Variants in ZNF737 observed in about 807,000 individuals in gnomAD.
ZNF737 encodes the protein zinc finger protein 102 (Y3).
A neutral mutation model predicts 11.7 loss-of-function variants in ZNF737; 13 were observed. The observed-to-expected ratio is 1.11, with a 90% CI of 0.73 to 1.77. ZNF737 has a LOEUF of 1.77. Ranked by LOEUF, ZNF737 falls within the 40% of genes most tolerant of loss-of-function variation. The pLI is 0.00. For missense variants in ZNF737, 636 were observed against 638.0 expected (o/e 1.00, Z 0.03); for synonymous variants, 217 against 216.2 (o/e 1.00, Z -0.03).
intron 3 of ZNF737, among the ~76,000 whole-genome samples, chr19:20,549,261 AC>A (rs1555757788): frequency 1.3e-5 from 2 of 152,162 alleles, no homozygotes; most frequent in South Asian, 2.1e-4. Flanking sequence ...CTTAAAGTGT[AC>A]AAAAAGAACT....
intron 1 of ZNF737, among the ~76,000 whole-genome samples, chr19:20,554,641 T>C (rs1170369665): frequency 4.6e-5 from 7 of 152,048 alleles, no homozygotes; most frequent in Admixed American, 6.5e-5. Context: ...AGCATCACTG[T>C]TGAAATATTC....
chr19:20,553,378 C>T (rs1968767515), intron 2 of ZNF737, among the ~76,000 whole-genome samples: 1 of 152,118 alleles, frequency 6.6e-6, no homozygotes, highest in African/African-American at 2.4e-5. Flanking sequence ...CCTGCCTCAC[C>T]TTCCCAATTA....
chr19:20,555,222 G>A (rs1968844766), intron 1 of ZNF737, among the ~76,000 whole-genome samples: 2 of 138,612 alleles, frequency 1.4e-5, no homozygotes. Context: ...TCACTCTGTT[G>A]CCCAGGCTGG....
chr19:20,565,492 G>C (rs1294417754), intron 1 of ZNF737, 146 bp downstream of exon 1: 2 of 1,405,734 alleles, frequency 1.4e-6, no homozygotes, highest in Non-Finnish European at 2.0e-6. Flanking sequence ...ATGGCTGAAC[G>C]GGACTGAGGC....
rs1232247768 is a variant in ZNF737 at position 20,546,116 on chromosome 19, A to T, written c.227-140T>A. 2.6e-6 allele frequency: 3 copies of T among 1,172,738 alleles called. No homozygotes were observed. The African/African-American group carries it at 4.7e-5, about 18-fold the overall frequency. The allele number at this position is 1,172,738 out of a possible 1,614,324, so 72.6% of individuals were successfully genotyped here. On this transcript the variant is annotated intron_variant, in intron 3 of 3. Transcript: ENST00000427401. Reference sequence around the variant, plus strand: ...ACCACAAACTGTAATTTCTTCCTGGATACATAAATGTAACAAAAGTGGACT... The same window carrying T: ...ACCACAAACTGTAATTTCTTCCTGGTTACATAAATGTAACAAAAGTGGACT...
intron 1 of ZNF737, among the ~76,000 whole-genome samples, chr19:20,555,100 T>G (rs1968837872): frequency 1.3e-5 from 2 of 152,030 alleles, no homozygotes; most frequent in South Asian, 4.2e-4. Flanking sequence ...TGACCTCAGG[T>G]GATCTGCCCA....
chr19:20,559,038 G>A (rs1313266102), intron 1 of ZNF737, among the ~76,000 whole-genome samples: 3 of 152,138 alleles, frequency 2.0e-5, no homozygotes, highest in East Asian at 3.9e-4. Context: ...ATCAACTGAA[G>A]ATAAACACTT....
In ZNF737 at chr19:20,538,759, T is replaced by C. The variant is rs144871839; in HGVS notation, c.*5833A>G. On this transcript the variant is annotated 3_prime_UTR_variant, in exon 4 of 4. Coordinates refer to ENST00000427401, the MANE Select transcript of ZNF737 (RefSeq NM_001159293.2). ...ATCAATGCTTTCCACATGCACCCAA[T>C]AGAGTCTTAATTTAATTGGGCTGTT... The C allele has an allele frequency of 5.1e-6, 5 of 985,352 alleles. No individual in the cohort carries two copies. The highest frequency in any genetic ancestry group is 2.3e-4 in the East Asian group (2 of 8,800). The allele number at this position is 985,352 out of a possible 1,614,324, so 61.0% of individuals were successfully genotyped here.
chr19:20,540,931 A>G lies in ZNF737; in HGVS notation c.*3661T>C. The G allele has an allele frequency of 1.0e-6, 1 of 973,150 alleles. No homozygotes were observed. Among genetic ancestry groups the G allele is most frequent in the Non-Finnish European group, 1.2e-6 (1 of 818,774 alleles). 60.3% of individuals were successfully genotyped at this position (973,150 alleles called of 1,614,324 possible). ...ATTCACACACACATAGAACAATAAA[A>G]ATATATCCAATTATTCAATTTTGGT... On this transcript the variant is annotated 3_prime_UTR_variant, in exon 4 of 4. Transcript: ENST00000427401.
At chr19:20,562,340 AT>A (rs56851244) in intron 1 of ZNF737, among the ~76,000 whole-genome samples, 37,937 of 123,454 alleles carry the variant, frequency 0.31, 5,058 homozygotes, top group Non-Finnish European at 0.38. Context: ...CACCTGGCTA[AT>A]TTTTTTTTTT....
chr19:20,532,044 C>G (rs1260453475), downstream of ZNF737, among the ~76,000 whole-genome samples: 1 of 150,136 alleles, frequency 6.7e-6, no homozygotes, highest in Admixed American at 6.6e-5. Flanking sequence ...CAACAAAGCT[C>G]TATCTTCAAA....
downstream of ZNF737, among the ~76,000 whole-genome samples, chr19:20,532,167 A>G (rs1555753012): frequency 6.7e-6 from 1 of 149,904 alleles, no homozygotes; most frequent in African/African-American, 2.5e-5. Flanking sequence ...CACACCTACC[A>G]TTTGGGGCCT....
chr19:20,545,818 C>A lies in ZNF737; in HGVS notation c.385G>T (p.Gly129Cys). The change falls in exon 4 of 4, where the codon GGT (glycine) becomes TGT (cysteine). Residue 129 changes from glycine to cysteine, a missense_variant. Transcript: ENST00000427401. Reference sequence around the variant, plus strand: ...AAATATTGGTTAAGTCCATTATAACCTCTTTTGTGCACCTTACACTCATCT... The same window carrying A: ...AAATATTGGTTAAGTCCATTATAACATCTTTTGTGCACCTTACACTCATCT... ...SVDECKVHKR[G>C]YNGLNQYLTT... 6.2e-7 allele frequency: 1 copy of A among 1,613,228 alleles called. No homozygotes were observed. Among genetic ancestry groups the A allele is most frequent in the Non-Finnish European group, 8.5e-7 (1 of 1,179,690 alleles).
chr19:20,552,146 C>T (rs1288899781), intron 3 of ZNF737, among the ~76,000 whole-genome samples: 1 of 151,878 alleles, frequency 6.6e-6, no homozygotes, highest in Non-Finnish European at 1.5e-5. Flanking sequence ...CAAAATCATG[C>T]AGATATTTGT....
In ZNF737 at chr19:20,543,049, T is replaced by C; in HGVS notation, c.*1543A>G. ...TATTCAATGCTCTGATTTAGTGTAATGTCTGAAGTGTCGGGGCCTTAGTTA... is the reference window on the plus strand; with the variant it reads ...TATTCAATGCTCTGATTTAGTGTAACGTCTGAAGTGTCGGGGCCTTAGTTA... On this transcript the variant is annotated 3_prime_UTR_variant, in exon 4 of 4. Transcript: ENST00000427401. 1.0e-6 allele frequency: 1 copy of C among 985,164 alleles called. No homozygotes were observed. Among genetic ancestry groups the C allele is most frequent in the South Asian group, 4.7e-5 (1 of 21,272 alleles). 61.0% of individuals were successfully genotyped at this position (985,164 alleles called of 1,614,324 possible).
chr19:20,545,836 AC>A lies in ZNF737; in HGVS notation c.366del (p.Glu122AspfsTer16). ...TTATAACCTCTTTTGTGCACCTTAC[AC>A]TCATCTACACTTTCACAGCCCTTTT... is the stretch of plus-strand genomic sequence containing the variant. Reference protein sequence around the residue: ...QFKKGCESVDECKVHKRGYNG... With the variant: ...QFKKGCESVDXCKVHKRGYNG... On this transcript the variant is annotated frameshift_variant, in exon 4 of 4. Transcript: ENST00000427401. LOFTEE classifies it low-confidence loss of function (END_TRUNC). 3 of 1,613,254 alleles carry A rather than the reference AC, an allele frequency of 1.9e-6. No homozygotes were observed. The highest frequency in any genetic ancestry group is 2.5e-6 in the Non-Finnish European group (3 of 1,179,766).
Position 20,544,936 on chromosome 19 carries a change from G to C in ZNF737, c.1267C>G (p.Gln423Glu). Residue 423 changes from glutamine (Q) to glutamate (E), a missense_variant, in exon 4 of 4, where the codon CAA becomes GAA. Coordinates refer to ENST00000427401, the MANE Select transcript of ZNF737 (RefSeq NM_001159293.2). ...CCACATTCTTCACACTTGAAGGGTT[G>C]CTGTCCAGTATGGATTATCTTATGT... ...TTHKIIHTGQ[Q>E]PFKCEECGKA... 6.3e-7 allele frequency: 1 copy of C among 1,580,100 alleles called. No homozygotes were observed.
chr19:20,543,813 T>C lies in ZNF737; in HGVS notation c.*779A>G. 2 of 985,444 alleles carry C rather than the reference T, an allele frequency of 2.0e-6. No individual in the cohort carries two copies. Among genetic ancestry groups the C allele is most frequent in the Non-Finnish European group, 2.4e-6 (2 of 829,940 alleles). 61.0% of individuals were successfully genotyped at this position (985,444 alleles called of 1,614,324 possible). On this transcript the variant is annotated 3_prime_UTR_variant, in exon 4 of 4. Transcript: ENST00000427401. ...TGCGGATTTCCTCTTCAACATGAAT[T>C]ATTGCCATGCCTCTTAAGAATTGAG...
In ZNF737 at chr19:20,544,841, T is replaced by C. The variant is rs1968369499; in HGVS notation, c.1362A>G (p.Lys454=). The C allele has an allele frequency of 6.2e-7, 1 of 1,613,630 alleles. No individual in the cohort carries two copies. Among genetic ancestry groups the C allele is most frequent in the South Asian group, 1.1e-5 (1 of 90,976 alleles). ...TGAAGGCTTTGCCACATTCTTCACA[T>C]TTGTAGGGTTTCTCTCCAGTATGAA... ...KRIHTGEKPY[K]CEECGKAFNS... is the part of the protein sequence containing the mutation. The change falls in exon 4 of 4, where the codon AAA becomes AAG. Residue 454 remains lysine (K), a synonymous_variant. Transcript: ENST00000427401.
Sources: allele counts gnomAD v4.1 joint callset (sites outside exome capture counted in the v4.1 genomes callset), GRCh38; gene constraint gnomAD v4.1.1; transcripts MANE v1.5; gene names NCBI Gene and HGNC (gene_info 2026-07-23, HGNC 2026-07-21).